The following MYO10 variants were observed in gnomAD, a reference collection of about 807,000 sequenced individuals.
MYO10 encodes unconventional myosin-X.
In MYO10, 133 loss-of-function variants were observed where a neutral mutation model predicts 257.3. The ratio of observed to expected loss-of-function variants is 0.52; its 90% CI spans 0.45 to 0.60. MYO10 has a LOEUF of 0.60. MYO10 is among the 20% of genes least tolerant of loss of function. The pLI is 0.00. For synonymous variants in MYO10, 1,104 were observed against 1,028.6 expected (o/e 1.07, Z -1.40); for missense variants, 2,399 against 2,635.7 (o/e 0.91, Z 1.97).
intron 25 of MYO10, 52 bp downstream of exon 25, chr5:16,700,911 G>A (rs1432865314): frequency 2.0e-6 from 3 of 1,491,118 alleles, no homozygotes; most frequent in Admixed American, 2.1e-5. Context: ...TGCAACAGGG[G>A]TGGGTGTGAC....
rs574254844 is a variant in MYO10 at position 16,731,800 on chromosome 5, C to T, written c.1930-20555G>A. ...CGGAGGCCACCAGCTTGGGATAGGG[C>T]GGCTCCCCATCTCCTGCCTGGCCTG... is the stretch of plus-strand genomic sequence containing the variant. On this transcript the variant is annotated intron_variant, in intron 19 of 40. Transcript: ENST00000513610. Among the ~76,000 whole-genome samples the T allele has an allele frequency of 3.2e-3, 490 of 152,320 alleles. 3 individuals are homozygous for T. The highest frequency in any genetic ancestry group is 0.011 in the African/African-American group (454 of 41,572).
chr5:16,793,882 G>A (rs1445453050), intron 4 of MYO10, among the ~76,000 whole-genome samples: 1 of 148,792 alleles, frequency 6.7e-6, no homozygotes, highest in African/African-American at 2.5e-5. Context: ...AGTGAGCTGA[G>A]ATCGCACCAT....
In MYO10 at chr5:16,917,779, G is replaced by A. The variant is rs550546693; in HGVS notation, c.21+18009C>T. On this transcript the variant is annotated intron_variant, in intron 1 of 40. Transcript: ENST00000513610. ...GTCCCAGCTACTCAAAAGGCCGAAC[G>A]GGGGAGAATCTCTTGAGCCCAGGAG... Among the ~76,000 whole-genome samples, 171 of 152,114 alleles carry A rather than the reference G, an allele frequency of 1.1e-3. 1 individual carries two copies. Among genetic ancestry groups the A allele is most frequent in the African/African-American group, 3.5e-3 (146 of 41,520 alleles).
chr5:16,677,627 G>A (rs1264060021), intron 33 of MYO10, among the ~76,000 whole-genome samples: 3 of 151,976 alleles, frequency 2.0e-5, no homozygotes, highest in African/African-American at 4.8e-5. Context: ...GTGTTAGCCA[G>A]GATGGTCTCA....
intron 1 of MYO10, among the ~76,000 whole-genome samples, chr5:16,906,206 C>T (rs908122431): frequency 1.3e-5 from 2 of 152,114 alleles, no homozygotes; most frequent in Non-Finnish European, 2.9e-5. Flanking sequence ...GGGGTAGGGT[C>T]CAGAATGGAC....
At chr5:16,669,406 G>A (rs539629004) in intron 39 of MYO10, among the ~76,000 whole-genome samples, 93 of 152,098 alleles carry the variant, frequency 6.1e-4, no homozygotes, top group African/African-American at 1.9e-3. Flanking sequence ...GGGTTTCACC[G>A]TGTTAGCCAG....
intron 4 of MYO10, among the ~76,000 whole-genome samples, chr5:16,791,924 G>A (rs1029700371): frequency 2.0e-5 from 3 of 152,198 alleles, no homozygotes; most frequent in Non-Finnish European, 2.9e-5. Context: ...TCTATATTAA[G>A]CAGCCGCTTC....
intron 1 of MYO10, among the ~76,000 whole-genome samples, chr5:16,926,595 G>A (rs1171445600): frequency 6.6e-6 from 1 of 152,086 alleles, no homozygotes; most frequent in East Asian, 1.9e-4. Flanking sequence ...CCAGCTACGT[G>A]GGAGGCTGAG....
intron 19 of MYO10, among the ~76,000 whole-genome samples, chr5:16,753,466 C>CTTTTT (rs143614063): frequency 2.4e-5 from 2 of 83,166 alleles, no homozygotes; most frequent in African/African-American, 5.3e-5. Flanking sequence ...CGTGCCCGGC[C>CTTTTT]TTTTTTTTTT....
In MYO10 at chr5:16,670,995, A is replaced by T. The variant is rs1385111525; in HGVS notation, c.5431-17T>A. 6.3e-7 allele frequency: 1 copy of T among 1,593,566 alleles called. No homozygotes were observed. The highest frequency in any genetic ancestry group is 8.6e-7 in the Non-Finnish European group (1 of 1,166,754). On this transcript the variant is annotated splice_polypyrimidine_tract_variant and intron_variant, in intron 38 of 40. Coordinates refer to ENST00000513610, the MANE Select transcript of MYO10 (RefSeq NM_012334.3). ...TTCGTGGGCCTGAAAGGAGACAGTC[A>T]ACAGCTTTCCGGTCAACGCACTGCC...
At position 16,893,841 on chromosome 5, in the gene MYO10, G is replaced by A. The variant is rs570547193; in HGVS notation, c.22-16134C>T. ...AGTTATATCCCTCCGTCACTGTTAC[G>A]TGCTGAAATTGGAGGGGACTCTTCT... is the stretch of plus-strand genomic sequence containing the variant. On this transcript the variant is annotated intron_variant, in intron 1 of 40. Coordinates refer to ENST00000513610, the MANE Select transcript of MYO10 (RefSeq NM_012334.3). 1.2e-4 allele frequency among the ~76,000 whole-genome samples: 18 copies of A among 152,058 alleles called. No homozygotes were observed. The East Asian group carries it at 3.5e-3, about 29-fold the overall frequency.
chr5:16,918,533 G>A (rs1390043931), intron 1 of MYO10, among the ~76,000 whole-genome samples: 3 of 114,240 alleles, frequency 2.6e-5, no homozygotes, highest in Non-Finnish European at 5.1e-5. Flanking sequence ...ACAGAGTTTC[G>A]CTCTTGTTGC....
At chr5:16,748,849 G>C (rs1029163205) in intron 19 of MYO10, among the ~76,000 whole-genome samples, 5 of 152,116 alleles carry the variant, frequency 3.3e-5, no homozygotes, top group African/African-American at 1.2e-4. Context: ...TCTGACCTAA[G>C]AAGGAAGCCC....
At chr5:16,928,241 T>A (rs961761011) in intron 1 of MYO10, among the ~76,000 whole-genome samples, 1 of 152,178 alleles carries the variant, frequency 6.6e-6, no homozygotes, top group Non-Finnish European at 1.5e-5. Context: ...AGTCTCCCTC[T>A]GTCACCCAGG....
chr5:16,923,800 A>AG (rs35371650), intron 1 of MYO10, among the ~76,000 whole-genome samples: 72,314 of 151,622 alleles, frequency 0.48, 17,631 homozygotes, highest in African/African-American at 0.56. Flanking sequence ...AATAAAAATC[A>AG]AAAAATTGGC....
chr5:16,848,155 C>CTTTTTTTTTTTTTCTTT (rs1554002460), intron 2 of MYO10, among the ~76,000 whole-genome samples: 16 of 113,568 alleles, frequency 1.4e-4, no homozygotes, highest in Admixed American at 2.7e-4. Flanking sequence ...CTACACATTT[C>CTTTTTTTTTTTTTCTTT]TTTTTTTTTT....
intron 37 of MYO10, among the ~76,000 whole-genome samples, 198 bp downstream of exon 37, chr5:16,672,491 T>A (rs781599449): frequency 1.4e-4 from 22 of 152,068 alleles, no homozygotes; most frequent in Non-Finnish European, 2.9e-4. Flanking sequence ...ACAAGTTACA[T>A]CACGTAAGAC....
chr5:16,807,351 C>A (rs1043201154), intron 3 of MYO10, among the ~76,000 whole-genome samples: 2 of 152,146 alleles, frequency 1.3e-5, no homozygotes, highest in Admixed American at 6.5e-5. Flanking sequence ...AATGAGTAAT[C>A]CAGTAATCCT....
At chr5:16,738,056 T>C (rs1232611337) in intron 19 of MYO10, 1 of 919,444 alleles carries the variant, frequency 1.1e-6, no homozygotes, top group Non-Finnish European at 1.3e-6. Flanking sequence ...ATCAAGTAAG[T>C]TACAAAATTA....
Sources: allele counts gnomAD v4.1 joint callset (sites outside exome capture counted in the v4.1 genomes callset), GRCh38; gene constraint gnomAD v4.1.1; transcripts MANE v1.5; gene names NCBI Gene and HGNC (gene_info 2026-07-23, HGNC 2026-07-21).